The following STUM variants were observed in gnomAD, a reference collection of about 807,000 sequenced individuals.
STUM encodes stum, mechanosensory transduction mediator homolog, also known as protein stum homolog.
Under a neutral mutation model 15.3 loss-of-function variants are expected in STUM, and 8 were observed. The observed-to-expected ratio is 0.52, with a 90% CI of 0.31 to 0.94. The LOEUF is 0.94. STUM is among the 40% of genes least tolerant of loss of function. The pLI, the probability that STUM is intolerant of heterozygous loss-of-function variation, is 0.05. For synonymous variants in STUM, 78 were observed against 88.7 expected (o/e 0.88, Z 0.68); for missense variants, 142 against 204.9 (o/e 0.69, Z 1.87).
rs1334896580 is a variant in STUM at position 226,604,090 on chromosome 1, C to T, written c.*2050C>T. The T allele has an allele frequency of 6.6e-6, 1 of 152,270 alleles. No homozygotes were observed. Among genetic ancestry groups the T allele is most frequent in the Non-Finnish European group, 1.5e-5 (1 of 68,116 alleles). The allele number at this position is 152,270 out of a possible 1,614,324, so 9.4% of individuals were successfully genotyped here. On this transcript the variant is annotated 3_prime_UTR_variant, in exon 4 of 4. Transcript: ENST00000366788. This position sits in a 1 kb window ranked among gnomAD's most constrained non-coding sequence, Gnocchi z 4.7. Reference sequence around the variant, plus strand: ...CCACAGCCCTTCACCCCACACAGCCCCCAGAGTTTGCCCGACACCCCCTGA... The same window carrying T: ...CCACAGCCCTTCACCCCACACAGCCTCCAGAGTTTGCCCGACACCCCCTGA...
chr1:226,585,763 C>T (rs1357593394), intron 1 of STUM, among the ~76,000 whole-genome samples: 1 of 152,138 alleles, frequency 6.6e-6, no homozygotes, highest in Non-Finnish European at 1.5e-5. Flanking sequence ...TAAGTGCCAG[C>T]TGAATACATG....
intron 1 of STUM, among the ~76,000 whole-genome samples, chr1:226,579,590 G>A (rs1023576303): frequency 1.7e-4 from 26 of 152,064 alleles, no homozygotes; most frequent in Non-Finnish European, 3.1e-4. Context: ...AAAGAGTTCA[G>A]TGGGGATCAG....
Position 226,602,131 on chromosome 1 carries a change from T to A in STUM, c.*91T>A. On this transcript the variant is annotated 3_prime_UTR_variant, in exon 4 of 4. Transcript: ENST00000366788. ...ACAAGGACCTTTACATGTTCTTTTCTGCCATTTTCTGGACTGGGGGTGGAA... is the reference window on the plus strand; with the variant it reads ...ACAAGGACCTTTACATGTTCTTTTCAGCCATTTTCTGGACTGGGGGTGGAA... 1.1e-6 allele frequency: 1 copy of A among 925,716 alleles called. No individual in the cohort carries two copies. Among genetic ancestry groups the A allele is most frequent in the Non-Finnish European group, 1.7e-6 (1 of 598,070 alleles). 57.3% of individuals were successfully genotyped at this position (925,716 alleles called of 1,614,324 possible). A position where few individuals can be genotyped will look rare whatever the true frequency, so the allele number is the denominator to read the frequency against.
At chr1:226,597,082 C>A in intron 2 of STUM, 101 bp downstream of exon 2, 1 of 1,142,108 alleles carries the variant, frequency 8.8e-7, no homozygotes, top group Admixed American at 1.7e-5. Flanking sequence ...TGCTCACCCG[C>A]TAAGCACGGG....
In STUM at chr1:226,550,535, C is replaced by G. The variant is rs534061095; in HGVS notation, c.202+1429C>G. On this transcript the variant is annotated intron_variant, in intron 1 of 3. Transcript: ENST00000366788. The stretch of plus-strand genomic sequence containing the variant: ...CACCTGCTGGAGTAAAAAGAGACTG[C>G]CTGCCCCTCCCTCTGGCGGATATGA... 5.9e-5 allele frequency among the ~76,000 whole-genome samples: 9 copies of G among 152,116 alleles called. No individual in the cohort carries two copies. The South Asian group carries it at 8.3e-4, about 14-fold the overall frequency.
intron 1 of STUM, among the ~76,000 whole-genome samples, chr1:226,579,948 T>C (rs751714993): frequency 6.6e-6 from 1 of 152,090 alleles, no homozygotes; most frequent in Non-Finnish European, 1.5e-5. Context: ...CTATGAGCAA[T>C]GGGAGCAGCC....
rs555746040 is a variant in STUM, at chr1:226,559,397, A to G, written c.202+10291A>G. 8.3e-4 allele frequency among the ~76,000 whole-genome samples: 126 copies of G among 152,306 alleles called. 1 individual carries two copies. Among genetic ancestry groups the G allele is most frequent in the African/African-American group, 2.9e-3 (122 of 41,566 alleles). On this transcript the variant is annotated intron_variant, in intron 1 of 3. Coordinates refer to ENST00000366788, the MANE Select transcript of STUM (RefSeq NM_001003665.4). The stretch of plus-strand genomic sequence containing the variant: ...CCTACCACGTCGAAGGCTCTGACCC[A>G]CAATTTCACCATCAGTTACCCTGGC...
chr1:226,573,041 G>A (rs74141940), intron 1 of STUM, among the ~76,000 whole-genome samples: 5,599 of 152,292 alleles, frequency 0.037, 300 homozygotes, highest in African/African-American at 0.12. Flanking sequence ...TGGGCCTGCC[G>A]CAGGTTTGGG....
chr1:226,559,889 C>G (rs1309109474), intron 1 of STUM, among the ~76,000 whole-genome samples: 1 of 151,700 alleles, frequency 6.6e-6, no homozygotes, highest in African/African-American at 2.4e-5. Flanking sequence ...AGGAGAATGG[C>G]GTGAACCCGG....
At chr1:226,595,798 C>G (rs906710682) in intron 1 of STUM, among the ~76,000 whole-genome samples, 1 of 152,180 alleles carries the variant, frequency 6.6e-6, no homozygotes, top group Non-Finnish European at 1.5e-5. Context: ...ATGTAGGTGG[C>G]CTCTAGAAGC....
intron 1 of STUM, among the ~76,000 whole-genome samples, chr1:226,562,186 T>C (rs1315949550): frequency 4.6e-5 from 7 of 152,176 alleles, no homozygotes; most frequent in Non-Finnish European, 8.8e-5. Context: ...ATTGCATCTC[T>C]GGCCTGGTGC....
rs1447778740 is a variant in STUM, at chr1:226,604,111, CCT to C, written c.*2072_*2073del. The C allele has an allele frequency of 2.0e-5, 3 of 152,200 alleles. No individual in the cohort carries two copies. Among genetic ancestry groups the C allele is most frequent in the Non-Finnish European group, 4.4e-5 (3 of 68,048 alleles). The allele number at this position is 152,200 out of a possible 1,614,324, so 9.4% of individuals were successfully genotyped here. A position where few individuals can be genotyped will look rare whatever the true frequency, so the allele number is the denominator to read the frequency against. ...AGCCCCCAGAGTTTGCCCGACACCC[CCT>C]GAGTGATGACAGGTCTCAGGAGGGG... On this transcript the variant is annotated 3_prime_UTR_variant, in exon 4 of 4. Coordinates refer to ENST00000366788, the MANE Select transcript of STUM (RefSeq NM_001003665.4). The surrounding 1 kb of genome is among the most constrained non-coding windows in gnomAD (Gnocchi z 4.7).
chr1:226,568,107 C>T (rs770162332), intron 1 of STUM, among the ~76,000 whole-genome samples: 6 of 152,200 alleles, frequency 3.9e-5, no homozygotes, highest in Non-Finnish European at 7.3e-5. Context: ...CTCAGAGCAC[C>T]AGCTCCACTA....
rs1038813942 is a variant in STUM at position 226,552,960 on chromosome 1, T to C, written c.202+3854T>C. Among the ~76,000 whole-genome samples, 11 of 152,226 alleles carry C rather than the reference T, an allele frequency of 7.2e-5. No individual in the cohort carries two copies. The highest frequency in any genetic ancestry group is 1.3e-4 in the Non-Finnish European group (9 of 68,042). ...TACATATAGACTAGAATTATACTCC[T>C]GGAATAGGCATTAGAGATCATCTGG... On this transcript the variant is annotated intron_variant, in intron 1 of 3. Coordinates refer to ENST00000366788, the MANE Select transcript of STUM (RefSeq NM_001003665.4). This position sits in a 1 kb window ranked among gnomAD's most constrained non-coding sequence, Gnocchi z 4.7.
chr1:226,608,296 G>A lies in STUM; in HGVS notation c.*6256G>A, dbSNP rs1175777997. ...CGTTTTCTGGGTTAGCGCTTGATTG[G>A]ATGTTTCAAGCAAGGGACAAGGTGA... On this transcript the variant is annotated 3_prime_UTR_variant, in exon 4 of 4. Transcript: ENST00000366788. The surrounding 1 kb of genome is among the most constrained non-coding windows in gnomAD (Gnocchi z 4.0). 2.0e-5 allele frequency: 3 copies of A among 152,234 alleles called. No homozygotes were observed. Among genetic ancestry groups the A allele is most frequent in the Non-Finnish European group, 2.9e-5 (2 of 68,046 alleles). The allele number at this position is 152,234 out of a possible 1,614,324, so 9.4% of individuals were successfully genotyped here. A position where few individuals can be genotyped will look rare whatever the true frequency, so the allele number is the denominator to read the frequency against.
At chr1:226,598,420 G>A (rs926565700) in intron 2 of STUM, among the ~76,000 whole-genome samples, 3 of 152,200 alleles carry the variant, frequency 2.0e-5, no homozygotes, top group African/African-American at 7.2e-5. Context: ...AGGAACCTCT[G>A]CATTAAAGCG....
Position 226,578,234 on chromosome 1 carries a change from A to C in STUM, c.203-18568A>C, listed in dbSNP as rs1315585568. 2.0e-5 allele frequency among the ~76,000 whole-genome samples: 3 copies of C among 151,952 alleles called. No individual in the cohort carries two copies. The East Asian group carries it at 5.8e-4, about 29-fold the overall frequency. ...TCTTTTCAATTTTTTCTTTATTTTT[A>C]ATTTTAAAAATGTTTTTAAAAAACT... On this transcript the variant is annotated intron_variant, in intron 1 of 3. Coordinates refer to ENST00000366788, the MANE Select transcript of STUM (RefSeq NM_001003665.4).
intron 1 of STUM, among the ~76,000 whole-genome samples, chr1:226,583,122 G>T (rs1212455721): frequency 6.6e-6 from 1 of 152,190 alleles, no homozygotes; most frequent in Non-Finnish European, 1.5e-5. Flanking sequence ...CCTCAGCTCA[G>T]GAGTGGCACA....
At chr1:226,585,882 C>T (rs576814804) in intron 1 of STUM, among the ~76,000 whole-genome samples, 1 of 152,146 alleles carries the variant, frequency 6.6e-6, no homozygotes, top group Non-Finnish European at 1.5e-5. Flanking sequence ...AAATAGCAGA[C>T]ATTTATTTCT....
Sources: gnomAD v4.1 joint callset for allele counts (sites outside exome capture counted in the v4.1 genomes callset) on GRCh38, gnomAD v4.1.1 for gene constraint, Gnocchi (gnomAD v3.1) non-coding constraint, MANE v1.5 for transcripts, NCBI Gene and HGNC (gene_info 2026-07-23, HGNC 2026-07-21) for gene names.